Variants in CATSPERE observed in about 807,000 individuals in gnomAD.
CATSPERE encodes catsper channel auxiliary subunit epsilon.
In CATSPERE, 93 loss-of-function variants were observed where a neutral mutation model predicts 114.1. The ratio of observed to expected loss-of-function variants is 0.81; its 90% CI spans 0.69 to 0.97. The LOEUF is 0.97. CATSPERE is among the 50% of genes least tolerant of loss of function. The pLI, the probability that CATSPERE is intolerant of heterozygous loss-of-function variation, is 0.00. For missense variants in CATSPERE, 1,058 were observed against 1,131.6 expected (o/e 0.93, Z 0.93); for synonymous variants, 341 against 384.1 (o/e 0.89, Z 1.31).
chr1:244,494,789 AAAG>A (rs1558369487), intron 6 of CATSPERE, among the ~76,000 whole-genome samples: 1 of 152,148 alleles, frequency 6.6e-6, no homozygotes, highest in Non-Finnish European at 1.5e-5. Context: ...TACCAGAAAA[AAAG>A]AAGTAGTAAA....
chr1:244,616,227 C>G (rs1482680916), intron 19 of CATSPERE, among the ~76,000 whole-genome samples: 2 of 152,168 alleles, frequency 1.3e-5, no homozygotes, highest in Admixed American at 6.6e-5. Context: ...AAGCTTCCCT[C>G]TAGAGCTTAT....
intron 7 of CATSPERE, among the ~76,000 whole-genome samples, chr1:244,514,238 T>C (rs1676219505): frequency 6.6e-6 from 1 of 152,208 alleles, no homozygotes; most frequent in Non-Finnish European, 1.5e-5. Context: ...TTTCAGGAAT[T>C]AACTATTGAT....
rs373504947 is a variant in CATSPERE at position 244,593,518 on chromosome 1, G to A, written c.2243G>A (p.Gly748Glu). 39 of 1,613,932 alleles carry A rather than the reference G, an allele frequency of 2.4e-5. No individual in the cohort carries two copies. Among genetic ancestry groups the A allele is most frequent in the Non-Finnish European group, 3.3e-5 (39 of 1,179,940 alleles). ...SKNLRVRYIW[G>E]EYGCPLRLDF... ...TTCTAGAGAGTAAGGTATATTTGGG[G>A]AGAATATGGCTGCCCTCTGAGGCTT... Residue 748 changes from glycine to glutamate, a missense_variant, in exon 17 of 22, where the codon GGA (glycine) becomes GAA (glutamate). By Grantham distance (98) the Gly-to-Glu change is moderately conservative. This residue lies in a region of CATSPERE where 787 missense variants were observed against 905.6 expected (regional missense o/e 0.87). Transcript: ENST00000366534.
chr1:244,571,714 A>G (rs1572815182), intron 10 of CATSPERE, among the ~76,000 whole-genome samples: 7 of 152,220 alleles, frequency 4.6e-5, no homozygotes, highest in Admixed American at 1.3e-4. Context: ...TCTAGAGGCT[A>G]GAAGTCCAAG....
chr1:244,514,877 T>TGAA (rs1339067539), intron 7 of CATSPERE, among the ~76,000 whole-genome samples: 1 of 150,794 alleles, frequency 6.6e-6, no homozygotes, highest in Non-Finnish European at 1.5e-5. Context: ...TGGTGAAATC[T>TGAA]GAATAAGGTC....
intron 9 of CATSPERE, among the ~76,000 whole-genome samples, chr1:244,553,620 C>CACACACAG (rs1661081516): frequency 7.2e-6 from 1 of 139,200 alleles, no homozygotes; most frequent in Non-Finnish European, 1.5e-5. Flanking sequence ...CACACACACA[C>CACACACAG]ACACACACAC....
intron 13 of CATSPERE, among the ~76,000 whole-genome samples, chr1:244,587,513 T>G (rs887893636): frequency 1.3e-5 from 2 of 152,198 alleles, no homozygotes; most frequent in African/African-American, 4.8e-5. Flanking sequence ...AAAGTTGACC[T>G]ACAGAGAAGC....
intron 9 of CATSPERE, among the ~76,000 whole-genome samples, chr1:244,557,467 C>A (rs1661752091): frequency 7.6e-6 from 1 of 132,048 alleles, no homozygotes; most frequent in South Asian, 2.5e-4. Flanking sequence ...AAATTTATTC[C>A]TAAGTATTTT....
upstream of CATSPERE, among the ~76,000 whole-genome samples, chr1:244,459,426 TTCTA>T (rs776211699): frequency 1.1e-4 from 17 of 152,096 alleles, no homozygotes; most frequent in Non-Finnish European, 1.6e-4. Flanking sequence ...TGGAACAGAG[TTCTA>T]TCAGAGCCAA....
chr1:244,552,640 G>T lies in CATSPERE; in HGVS notation c.855G>T (p.Arg285=). The part of the protein sequence containing the change: ...PPDILSDDER[R]SVAHVILSRD... ...ACATTCTGAGTGATGATGAAAGACG[G>T]AGTGTGGCTCATGTGATCTTATCGC... Residue 285 remains arginine, a synonymous_variant, in exon 9 of 22, where the codon CGG becomes CGT. Coordinates refer to ENST00000366534, the MANE Select transcript of CATSPERE (RefSeq NM_001130957.2). 6.2e-7 allele frequency: 1 copy of T among 1,614,148 alleles called. No individual in the cohort carries two copies. The highest frequency in any genetic ancestry group is 8.5e-7 in the Non-Finnish European group (1 of 1,180,030).
intron 20 of CATSPERE, among the ~76,000 whole-genome samples, chr1:244,623,269 G>C (rs1672645447): frequency 6.6e-6 from 1 of 151,916 alleles, no homozygotes; most frequent in Non-Finnish European, 1.5e-5. Flanking sequence ...GTATAGATGG[G>C]GTTTTGCCAT....
chr1:244,605,500 T>C lies in CATSPERE; in HGVS notation c.2304-195T>C, dbSNP rs536842176. Among the ~76,000 whole-genome samples, 3 of 152,188 alleles carry C rather than the reference T, an allele frequency of 2.0e-5. 1 individual carries two copies. The South Asian group carries it at 6.2e-4, about 32-fold the overall frequency. ...CAGCTGTCAAAAGACACCTAAACAATAGGTACTGTTATTATTTTACAGAAA... is the reference window on the plus strand; with the variant it reads ...CAGCTGTCAAAAGACACCTAAACAACAGGTACTGTTATTATTTTACAGAAA... On this transcript the variant is annotated intron_variant, in intron 17 of 21. Coordinates refer to ENST00000366534, the MANE Select transcript of CATSPERE (RefSeq NM_001130957.2).
chr1:244,451,832 G>T (rs1484836302), upstream of CATSPERE: 2 of 1,567,972 alleles, frequency 1.3e-6, no homozygotes, highest in East Asian at 4.6e-5. This position sits in a 1 kb window ranked among gnomAD's most constrained non-coding sequence, Gnocchi z 6.6. Flanking sequence ...CCAGTGACGC[G>T]AGGAGAGCCC....
chr1:244,494,913 A>G (rs1340799286), intron 6 of CATSPERE, among the ~76,000 whole-genome samples: 2 of 152,220 alleles, frequency 1.3e-5, no homozygotes, highest in Non-Finnish European at 2.9e-5. Context: ...TGAGGCTACA[A>G]CTATAACAAT....
At position 244,524,503 on chromosome 1, in the gene CATSPERE, T is replaced by G. The variant is rs1202409879; in HGVS notation, c.536+5805T>G. ...ATTGACAAATGGGATGTAATTAAAC[T>G]AAAGAGCTTCTGCACAGCAAAAGAA... On this transcript the variant is annotated intron_variant, in intron 8 of 21. Transcript: ENST00000366534. Among the ~76,000 whole-genome samples the G allele has an allele frequency of 4.0e-5, 6 of 150,142 alleles. No individual in the cohort carries two copies. The East Asian group carries it at 1.2e-3, about 29-fold the overall frequency.
chr1:244,639,941 C>G lies in CATSPERE; in HGVS notation c.2716C>G (p.Leu906Val). 6.5e-7 allele frequency: 1 copy of G among 1,544,962 alleles called. No homozygotes were observed. Among genetic ancestry groups the G allele is most frequent in the African/African-American group, 1.4e-5 (1 of 72,232 alleles). Residue 906 changes from leucine to valine, a missense_variant, in exon 22 of 22, where the codon CTG becomes GTG. Leu to Val is a conservative substitution (Grantham distance 32). Transcript: ENST00000366534. The part of the protein sequence containing the change: ...FGLIPSPSVY[L>V]VASFLFVLML... Reference sequence around the variant, plus strand: ...TTCTGATTTCAGTCCAAGTGTCTACCTGGTAGCTTCTTTCCTCTTCGTCCT... The same window carrying G: ...TTCTGATTTCAGTCCAAGTGTCTACGTGGTAGCTTCTTTCCTCTTCGTCCT...
chr1:244,531,235 CAAA>C (rs60936159), intron 8 of CATSPERE, among the ~76,000 whole-genome samples: 2 of 60,350 alleles, frequency 3.3e-5, no homozygotes, highest in Non-Finnish European at 8.6e-5. Flanking sequence ...GACTCAGTCT[CAAA>C]AAAAAAAAAA....
At position 244,640,265 on chromosome 1, in the gene CATSPERE, T is replaced by C. The variant is rs1675195186; in HGVS notation, c.*184T>C. 2.1e-6 allele frequency: 1 copy of C among 468,942 alleles called. No individual in the cohort carries two copies. The highest frequency in any genetic ancestry group is 3.7e-6 in the Non-Finnish European group (1 of 268,848). 29.0% of individuals were successfully genotyped at this position (468,942 alleles called of 1,614,324 possible). A position where few individuals can be genotyped will look rare whatever the true frequency, so the allele number is the denominator to read the frequency against. On this transcript the variant is annotated 3_prime_UTR_variant, in exon 22 of 22. Transcript: ENST00000366534. ...CAAAATAGAAATGTTTTCATATATA[T>C]TGTTATTAAATTAATCCTTTGTTTG...
chr1:244,451,512 C>T, upstream of CATSPERE: 1 of 1,095,792 alleles, frequency 9.1e-7, no homozygotes, highest in Non-Finnish European at 1.3e-6. This position sits in a 1 kb window ranked among gnomAD's most constrained non-coding sequence, Gnocchi z 6.6. Flanking sequence ...GAGGAGAGAG[C>T]CTCAAGGTGA....
Sources: allele counts gnomAD v4.1 joint callset (sites outside exome capture counted in the v4.1 genomes callset), GRCh38; gene constraint gnomAD v4.1.1; regional missense constraint gnomAD v4.1.1; non-coding constraint Gnocchi (gnomAD v3.1); transcripts MANE v1.5; gene names NCBI Gene and HGNC (gene_info 2026-07-23, HGNC 2026-07-21).